The following MSRA variants were observed in gnomAD, a reference collection of about 807,000 sequenced individuals.
MSRA encodes the protein mitochondrial peptide methionine sulfoxide reductase.
In MSRA, 54 loss-of-function variants were observed where a neutral mutation model predicts 31.3. The observed-to-expected ratio is 1.73, with a 90% CI of 1.39 to 2.17. MSRA has a LOEUF of 2.17. MSRA is among the 30% of genes most tolerant of loss of function. MSRA has a pLI of 0.00. For synonymous variants in MSRA, 169 were observed against 116.5 expected (o/e 1.45, Z -2.90); for missense variants, 507 against 300.9 (o/e 1.69, Z -5.07).
chr8:10,233,868 A>C (rs570150141), intron 2 of MSRA, among the ~76,000 whole-genome samples: 2 of 152,214 alleles, frequency 1.3e-5, no homozygotes, highest in Admixed American at 6.5e-5. Context: ...AAAATGAATG[A>C]CATCTAGATT....
chr8:10,090,752 C>T (rs1238325180), intron 1 of MSRA, among the ~76,000 whole-genome samples: 2 of 152,212 alleles, frequency 1.3e-5, no homozygotes, highest in African/African-American at 2.4e-5. Context: ...GGATTTGCTT[C>T]TTCTGAACCT....
chr8:10,198,318 T>A (rs1015353339), intron 1 of MSRA, among the ~76,000 whole-genome samples: 6 of 152,130 alleles, frequency 3.9e-5, no homozygotes, highest in South Asian at 2.1e-4. Context: ...TTTATTATTT[T>A]TTTTTTTGTT....
chr8:10,229,913 T>A lies in MSRA; in HGVS notation c.212-15191T>A, dbSNP rs1246633402. Among the ~76,000 whole-genome samples, 11 of 152,200 alleles carry A rather than the reference T, an allele frequency of 7.2e-5. 1 individual carries two copies. Among genetic ancestry groups the A allele is most frequent in the African/African-American group, 2.7e-4 (11 of 41,454 alleles). On this transcript the variant is annotated intron_variant, in intron 2 of 5. Transcript: ENST00000317173. The stretch of plus-strand genomic sequence containing the variant: ...TGCATTCCCCGTCCTCCCCATATAA[T>A]CAGTGAATTTCCACTTTCGAAGCCT...
At position 10,096,238 on chromosome 8, in the gene MSRA, C is replaced by A. The variant is rs538460099; in HGVS notation, c.142+41580C>A. 17 of 1,199,524 alleles carry A rather than the reference C, an allele frequency of 1.4e-5. No individual in the cohort carries two copies. The African/African-American group carries it at 2.2e-4, about 16-fold the overall frequency. The allele number at this position is 1,199,524 out of a possible 1,614,324, so 74.3% of individuals were successfully genotyped here. Reference sequence around the variant, plus strand: ...GCTTCATGCTGTCCTAAACTACATCCCCCAGCAATTAGTGACAACACTGAA... The same window carrying A: ...GCTTCATGCTGTCCTAAACTACATCACCCAGCAATTAGTGACAACACTGAA... On this transcript the variant is annotated intron_variant, in intron 1 of 5. Transcript: ENST00000317173.
intron 5 of MSRA, among the ~76,000 whole-genome samples, chr8:10,389,704 C>T (rs993713798): frequency 6.6e-6 from 1 of 150,780 alleles, no homozygotes; most frequent in Non-Finnish European, 1.5e-5. Context: ...GGGCCTTCCT[C>T]CACACCCTGG....
At chr8:10,392,525 C>G (rs1307800701) in intron 5 of MSRA, among the ~76,000 whole-genome samples, 1 of 152,156 alleles carries the variant, frequency 6.6e-6, no homozygotes, top group Non-Finnish European at 1.5e-5. Flanking sequence ...TCCTCTGTCT[C>G]TGGGGATCTG....
intron 1 of MSRA, among the ~76,000 whole-genome samples, chr8:10,061,065 A>T (rs964872925): frequency 1.3e-5 from 2 of 152,072 alleles, no homozygotes; most frequent in Non-Finnish European, 2.9e-5. Context: ...TGATTTTACA[A>T]CCTGTTCCAG....
chr8:10,389,294 T>TA (rs1408755788), intron 5 of MSRA, among the ~76,000 whole-genome samples: 1 of 152,168 alleles, frequency 6.6e-6, no homozygotes, highest in Non-Finnish European at 1.5e-5. Context: ...GGAGGAGTGA[T>TA]AGAGTTCTAG....
At chr8:10,256,221 A>G (rs1056465078) in intron 3 of MSRA, among the ~76,000 whole-genome samples, 1 of 152,166 alleles carries the variant, frequency 6.6e-6, no homozygotes, top group African/African-American at 2.4e-5. Context: ...TTGAAATCAC[A>G]CAGCCTATGT....
At chr8:10,278,241 C>T (rs762676539) in intron 3 of MSRA, among the ~76,000 whole-genome samples, 5 of 152,094 alleles carry the variant, frequency 3.3e-5, no homozygotes, top group Non-Finnish European at 7.4e-5. Flanking sequence ...GGAGTACCTT[C>T]GGGTCTCTGT....
At chr8:10,186,367 G>C (rs1318646446) in intron 1 of MSRA, among the ~76,000 whole-genome samples, 1 of 152,196 alleles carries the variant, frequency 6.6e-6, no homozygotes, top group African/African-American at 2.4e-5. Context: ...GCCATGGACA[G>C]TATATAAATG....
intron 1 of MSRA, among the ~76,000 whole-genome samples, chr8:10,170,300 T>A (rs1383623711): frequency 6.6e-6 from 1 of 152,168 alleles, no homozygotes; most frequent in African/African-American, 2.4e-5. Flanking sequence ...GATTAAGTCA[T>A]AAGGGTGGAG....
At chr8:10,265,119 G>C (rs1359309258) in intron 3 of MSRA, among the ~76,000 whole-genome samples, 1 of 152,192 alleles carries the variant, frequency 6.6e-6, no homozygotes, top group African/African-American at 2.4e-5. Context: ...TGACTCTTCA[G>C]GTGGTGTTTT....
chr8:10,222,461 T>A (rs557459403), intron 2 of MSRA, among the ~76,000 whole-genome samples: 15 of 152,222 alleles, frequency 9.9e-5, no homozygotes, highest in African/African-American at 3.4e-4. Flanking sequence ...TGTAAAAAAA[T>A]TTACAACAAG....
chr8:10,319,670 C>G (rs1330123909), intron 4 of MSRA, among the ~76,000 whole-genome samples: 1 of 151,492 alleles, frequency 6.6e-6, no homozygotes, highest in Non-Finnish European at 1.5e-5. Flanking sequence ...TTCAAAGATA[C>G]TTGTTGTAAT....
At chr8:10,067,324 G>A (rs814404) in intron 1 of MSRA, among the ~76,000 whole-genome samples, 152,314 of 152,340 alleles carry the variant, frequency 1, 76,144 homozygotes, top group Middle Eastern at 1. Context: ...GATTTGAGGA[G>A]CCTTCATGTC....
At chr8:10,292,724 A>G (rs1442727090) in intron 3 of MSRA, among the ~76,000 whole-genome samples, 1 of 152,218 alleles carries the variant, frequency 6.6e-6, no homozygotes, top group South Asian at 2.1e-4. Context: ...GGACCCTGAA[A>G]GCAGGCAGGG....
intron 5 of MSRA, chr8:10,411,694 T>G (rs977518702): frequency 2.0e-5 from 3 of 152,252 alleles, no homozygotes; most frequent in Admixed American, 6.5e-5. Flanking sequence ...GAGCACAACC[T>G]TTATTGTCTT....
intron 1 of MSRA, among the ~76,000 whole-genome samples, chr8:10,066,064 C>G (rs1224393999): frequency 6.6e-6 from 1 of 151,838 alleles, no homozygotes; most frequent in Non-Finnish European, 1.5e-5. Context: ...GCTCTGTCGG[C>G]CAGGCTGGAG....
Sources: gnomAD v4.1 joint callset for allele counts (sites outside exome capture counted in the v4.1 genomes callset) on GRCh38, gnomAD v4.1.1 for gene constraint, MANE v1.5 for transcripts, NCBI Gene and HGNC (gene_info 2026-07-23, HGNC 2026-07-21) for gene names.